MBD2: variants seen among roughly 807,000 people sequenced by gnomAD.
MBD2 encodes the protein methyl-CpG-binding domain protein 2.
MBD2 carries 9 observed loss-of-function variants against 39.3 expected under a neutral mutation model. The ratio of observed to expected loss-of-function variants is 0.23; its 90% confidence interval spans 0.14 to 0.40. MBD2 has a LOEUF of 0.40. Among genes scored for constraint, MBD2 ranks in the 10% least tolerant of loss-of-function variants. The pLI, the probability that MBD2 is intolerant of heterozygous loss-of-function variation, is 1.00. For synonymous variants in MBD2, 233 were observed against 211.1 expected (o/e 1.10, Z -0.90); for missense variants, 458 against 532.6 (o/e 0.86, Z 1.38).
intron 1 of MBD2, among the ~76,000 whole-genome samples, chr18:54,217,363 T>C (rs1171201315): frequency 6.6e-6 from 1 of 152,204 alleles, no homozygotes; most frequent in East Asian, 1.9e-4. Flanking sequence ...TTCTCCTTCC[T>C]TGGGAAGTTT....
chr18:54,204,707 T>C (rs985971149), intron 2 of MBD2, among the ~76,000 whole-genome samples: 2 of 152,116 alleles, frequency 1.3e-5, no homozygotes, highest in African/African-American at 4.8e-5. Context: ...ACAGGAACTA[T>C]TTTGAGGGGA....
In MBD2 at chr18:54,224,245, G is replaced by A; in HGVS notation, c.315C>T (p.Gly105=). The A allele has an allele frequency of 1.0e-6, 1 of 979,630 alleles. No homozygotes were observed. 60.7% of individuals were successfully genotyped at this position (979,630 alleles called of 1,614,324 possible). A position where few individuals can be genotyped will look rare whatever the true frequency, so the allele number is the denominator to read the frequency against. The part of the protein sequence containing the change: ...GRPPSGGSGL[G]GDGGGCGGGG... ...CGCCGCCGCAGCCGCCGCCGTCGCC[G>A]CCAAGGCCGCTGCCGCCACTCGGGG... Residue 105 remains glycine, a synonymous_variant, in exon 1 of 7, where the codon GGC becomes GGT. Transcript: ENST00000256429.
chr18:54,161,031 T>C (rs2086093696), intron 5 of MBD2, among the ~76,000 whole-genome samples: 1 of 151,934 alleles, frequency 6.6e-6, no homozygotes, highest in African/African-American at 2.4e-5. Flanking sequence ...TTGCAGCAAT[T>C]CCCAAAACTG....
intron 3 of MBD2, among the ~76,000 whole-genome samples, chr18:54,183,018 G>A (rs965704995): frequency 3.9e-5 from 6 of 152,320 alleles, no homozygotes; most frequent in African/African-American, 1.4e-4. Context: ...GAACATTCAG[G>A]AGGTAGGATC....
At chr18:54,211,419 A>ACACACACACG (rs1420624378) in intron 1 of MBD2, among the ~76,000 whole-genome samples, 1 of 150,664 alleles carries the variant, frequency 6.6e-6, no homozygotes, top group East Asian at 2.0e-4. Context: ...ACACACGCAC[A>ACACACACACG]CACGCAAGCA....
At chr18:54,197,211 G>A (rs1481390262) in intron 2 of MBD2, among the ~76,000 whole-genome samples, 1 of 152,100 alleles carries the variant, frequency 6.6e-6, no homozygotes, top group African/African-American at 2.4e-5. Context: ...CTTCCTAACT[G>A]GCCTCCGACT....
chr18:54,170,526 T>C (rs966041699), intron 3 of MBD2, among the ~76,000 whole-genome samples: 99 of 152,328 alleles, frequency 6.5e-4, no homozygotes, highest in African/African-American at 2.3e-3. Context: ...AGTTTATTAA[T>C]ATTACTCTAA....
At chr18:54,165,820 C>T (rs1235590844) in intron 4 of MBD2, among the ~76,000 whole-genome samples, 4 of 152,138 alleles carry the variant, frequency 2.6e-5, no homozygotes, top group Non-Finnish European at 4.4e-5. Context: ...ATGAACCTAA[C>T]CTAAAGCCAA....
At chr18:54,196,969 AATAGCTAATAACCTG>A (rs2086371720) in intron 2 of MBD2, among the ~76,000 whole-genome samples, 1 of 152,236 alleles carries the variant, frequency 6.6e-6, no homozygotes, top group South Asian at 2.1e-4. Context: ...TACTATTATT[AATAGCTAATAACCTG>A]ATTATCTTCA....
At chr18:54,157,994 T>A (rs2086066225) in intron 6 of MBD2, among the ~76,000 whole-genome samples, 1 of 151,998 alleles carries the variant, frequency 6.6e-6, no homozygotes, top group South Asian at 2.1e-4. Context: ...TCCCAACTGG[T>A]CTCCTTGCTT....
intron 2 of MBD2, among the ~76,000 whole-genome samples, chr18:54,204,644 A>C (rs1599102089): frequency 1.3e-5 from 2 of 152,212 alleles, no homozygotes; most frequent in South Asian, 4.1e-4. Flanking sequence ...ACGTAATTAT[A>C]AACTATGGGG....
At chr18:54,210,724 G>A (rs2086496930) in intron 1 of MBD2, among the ~76,000 whole-genome samples, 1 of 152,122 alleles carries the variant, frequency 6.6e-6, no homozygotes, top group Admixed American at 6.5e-5. Context: ...TAGCTAGATA[G>A]CTAAACAGCA....
intron 3 of MBD2, among the ~76,000 whole-genome samples, chr18:54,179,870 GT>G (rs1198581811): frequency 1.6e-4 from 24 of 150,354 alleles, no homozygotes; most frequent in Non-Finnish European, 2.5e-4. Context: ...TGTATTGGAA[GT>G]TCTAACTAAT....
At position 54,184,446 on chromosome 18, in the gene MBD2, A is replaced by G. The variant is rs1481528260; in HGVS notation, c.840+4428T>C. On this transcript the variant is annotated intron_variant, in intron 3 of 6. Transcript: ENST00000256429. ...CCCTCGCCCTCACCTGGTCCATGGAAAAATTGTCTGCCACCAAACCAGTCC... is the reference window on the plus strand; with the variant it reads ...CCCTCGCCCTCACCTGGTCCATGGAGAAATTGTCTGCCACCAAACCAGTCC... 2.0e-5 allele frequency among the ~76,000 whole-genome samples: 3 copies of G among 152,286 alleles called. No homozygotes were observed. The East Asian group carries it at 5.8e-4, about 29-fold the overall frequency.
chr18:54,200,811 G>A (rs1228199663), intron 2 of MBD2, among the ~76,000 whole-genome samples: 2 of 152,126 alleles, frequency 1.3e-5, no homozygotes, highest in South Asian at 2.1e-4. Flanking sequence ...CGAGCGCGGT[G>A]GCTCACGTCT....
At chr18:54,202,832 G>C in intron 2 of MBD2, 5 of 1,513,794 alleles carry the variant, frequency 3.3e-6, no homozygotes, top group East Asian at 2.3e-5. Flanking sequence ...CCCTCATGGA[G>C]CTCACAGTCT....
At chr18:54,193,052 A>T (rs1233819099) in intron 2 of MBD2, among the ~76,000 whole-genome samples, 1 of 152,222 alleles carries the variant, frequency 6.6e-6, no homozygotes, top group African/African-American at 2.4e-5. Context: ...AAACAGTATC[A>T]CATGAAGCTG....
chr18:54,160,003 C>A (rs1308416120), intron 5 of MBD2, 100 bp from the exon 6 acceptor site: 1 of 1,337,604 alleles, frequency 7.5e-7, no homozygotes, highest in East Asian at 2.4e-5. Flanking sequence ...AATTAAATTC[C>A]TAAGAAGAAT....
At chr18:54,194,015 T>C (rs942998893) in intron 2 of MBD2, among the ~76,000 whole-genome samples, 33 of 152,068 alleles carry the variant, frequency 2.2e-4, no homozygotes, top group Non-Finnish European at 4.0e-4. Context: ...TCCAATGATC[T>C]CACATGATTA....
Sources: gnomAD v4.1 joint callset for allele counts (sites outside exome capture counted in the v4.1 genomes callset) on GRCh38, gnomAD v4.1.1 for gene constraint, MANE v1.5 for transcripts, NCBI Gene and HGNC (gene_info 2026-07-23, HGNC 2026-07-21) for gene names.